The following RASGEF1A variants were observed in gnomAD, a reference collection of about 807,000 sequenced individuals.
RASGEF1A encodes ras-GEF domain-containing family member 1A.
RASGEF1A carries 18 observed loss-of-function variants against 56.4 expected under a neutral mutation model. That is an observed-to-expected ratio of 0.32 (90% CI 0.22 to 0.47). The LOEUF (loss-of-function observed/expected upper bound fraction) is 0.47. Among genes scored for constraint, RASGEF1A ranks in the 20% least tolerant of loss-of-function variants. The pLI, the probability that RASGEF1A is intolerant of heterozygous loss-of-function variation, is 1.00. For missense variants in RASGEF1A, 422 were observed against 627.1 expected, an observed-to-expected ratio of 0.67 and a Z score of 3.49; for synonymous variants, 245 against 242.6, an observed-to-expected ratio of 1.01 and a Z score of -0.09.
chr10:43,258,493 G>A (rs918015261), intron 1 of RASGEF1A, among the ~76,000 whole-genome samples: 8 of 152,200 alleles, frequency 5.3e-5, no homozygotes, highest in Non-Finnish European at 8.8e-5. Context: ...GCCACTCTGC[G>A]CTTGACACCA....
chr10:43,220,494 C>A (rs1490979312), intron 1 of RASGEF1A, among the ~76,000 whole-genome samples: 1 of 152,118 alleles, frequency 6.6e-6, no homozygotes, highest in Non-Finnish European at 1.5e-5. Context: ...CAGAGCAAGA[C>A]CCTATCTCAC....
At chr10:43,238,521 GCC>G (rs1385454372) in intron 1 of RASGEF1A, among the ~76,000 whole-genome samples, 1 of 152,222 alleles carries the variant, frequency 6.6e-6, no homozygotes. Context: ...CTTGTTCACT[GCC>G]CCAGCCCCAT....
At chr10:43,232,630 G>A (rs1191206360) in intron 1 of RASGEF1A, among the ~76,000 whole-genome samples, 2 of 151,870 alleles carry the variant, frequency 1.3e-5, no homozygotes, top group Admixed American at 1.3e-4. Context: ...GGGATTACAG[G>A]TGCACGCCAC....
intron 1 of RASGEF1A, among the ~76,000 whole-genome samples, chr10:43,261,314 G>C (rs922184168): frequency 3.9e-5 from 6 of 152,234 alleles, no homozygotes; most frequent in African/African-American, 1.4e-4. Context: ...GGTAAGCCCA[G>C]CTCCCAGAAA....
intron 1 of RASGEF1A, among the ~76,000 whole-genome samples, chr10:43,231,750 G>A (rs988172272): frequency 6.6e-6 from 1 of 152,276 alleles, no homozygotes; most frequent in African/African-American, 2.4e-5. Context: ...GAGGATGCGA[G>A]GAGGCTGCTA....
At chr10:43,229,683 G>A in intron 1 of RASGEF1A, 1 of 1,464,208 alleles carries the variant, frequency 6.8e-7, no homozygotes, top group Non-Finnish European at 9.0e-7. Flanking sequence ...GCGCCGTCCT[G>A]CCCGGTCCGG....
Position 43,207,011 on chromosome 10 carries a change from T to G in RASGEF1A, c.-6-889A>C. On this transcript the variant is annotated intron_variant, in intron 1 of 12. Transcript: ENST00000395810. ...ACCACACCCTGCAGCTGGGAGTTCTTGTGAAGCCTAGGGGAGTCTGAAGCC... is the reference window on the plus strand; with the variant it reads ...ACCACACCCTGCAGCTGGGAGTTCTGGTGAAGCCTAGGGGAGTCTGAAGCC... The G allele has an allele frequency of 3.0e-6, 3 of 985,490 alleles. No homozygotes were observed. In the South Asian group the frequency reaches 1.4e-4, roughly 46 times the overall value. 61.0% of individuals were successfully genotyped at this position (985,490 alleles called of 1,614,324 possible). A position where few individuals can be genotyped will look rare whatever the true frequency, so the allele number is the denominator to read the frequency against.
intron 9 of RASGEF1A, among the ~76,000 whole-genome samples, chr10:43,198,450 C>T (rs1259750844): frequency 2.0e-5 from 3 of 152,212 alleles, no homozygotes; most frequent in Non-Finnish European, 2.9e-5. Context: ...GCCTGACCCT[C>T]GCCCTCCTTC....
intron 1 of RASGEF1A, among the ~76,000 whole-genome samples, chr10:43,237,590 T>G (rs1840447624): frequency 6.6e-6 from 1 of 152,082 alleles, no homozygotes; most frequent in Non-Finnish European, 1.5e-5. Flanking sequence ...AGCAGCTGCA[T>G]CTGCTATTTT....
chr10:43,237,341 G>A (rs1225548859), intron 1 of RASGEF1A, among the ~76,000 whole-genome samples: 1 of 151,914 alleles, frequency 6.6e-6, no homozygotes, highest in Non-Finnish European at 1.5e-5. Flanking sequence ...CTGTTCTCCT[G>A]CTTCACCTGC....
intron 1 of RASGEF1A, among the ~76,000 whole-genome samples, chr10:43,238,232 T>A (rs1455568772): frequency 6.6e-6 from 1 of 151,992 alleles, no homozygotes; most frequent in Non-Finnish European, 1.5e-5. Context: ...GGCTAGTTTA[T>A]GTGTGCCTAC....
At chr10:43,199,816 G>C (rs1341987402) in intron 6 of RASGEF1A, 48 bp from the exon 7 acceptor site, 1 of 1,491,216 alleles carries the variant, frequency 6.7e-7, no homozygotes, top group East Asian at 2.3e-5. Flanking sequence ...ACCATGGCTG[G>C]ACAACTTAGT....
At chr10:43,248,364 TAAAAAAAAAAAA>T (rs34561814) in intron 1 of RASGEF1A, among the ~76,000 whole-genome samples, 3 of 111,420 alleles carry the variant, frequency 2.7e-5, no homozygotes, top group Non-Finnish European at 3.6e-5. Context: ...ACTCGGTCTT[TAAAAAAAAAAAA>T]AAAAAAAAAA....
intron 1 of RASGEF1A, among the ~76,000 whole-genome samples, chr10:43,236,924 C>A (rs904165309): frequency 6.6e-6 from 1 of 151,704 alleles, no homozygotes; most frequent in Admixed American, 6.6e-5. Context: ...GCCAGCCTGG[C>A]CTTGTGGGAG....
At chr10:43,229,864 G>A in intron 1 of RASGEF1A, 2 of 623,900 alleles carry the variant, frequency 3.2e-6, no homozygotes, top group Non-Finnish European at 4.7e-6. Context: ...CGCGAGGCCG[G>A]CCAGGAACGC....
intron 1 of RASGEF1A, among the ~76,000 whole-genome samples, chr10:43,225,813 A>C (rs961221206): frequency 6.6e-6 from 1 of 152,140 alleles, no homozygotes; most frequent in African/African-American, 2.4e-5. Flanking sequence ...GGCCCCAGGG[A>C]GGTCCCCAGA....
intron 1 of RASGEF1A, among the ~76,000 whole-genome samples, chr10:43,212,887 GCACACATGCA>G (rs1840087958): frequency 6.6e-6 from 1 of 152,202 alleles, no homozygotes; most frequent in Non-Finnish European, 1.5e-5. Context: ...TCACACAGGT[GCACACATGCA>G]CACACAGGTG....
chr10:43,200,011 G>A (rs1183702152), intron 6 of RASGEF1A, among the ~76,000 whole-genome samples, 171 bp downstream of exon 6: 3 of 152,256 alleles, frequency 2.0e-5, no homozygotes, highest in Non-Finnish European at 1.5e-5. Flanking sequence ...AGCAGGTGCT[G>A]CCTCTTGAAG....
Position 43,200,753 on chromosome 10 carries a change from T to G in RASGEF1A, c.595A>C (p.Thr199Pro), listed in dbSNP as rs1201883436. 6.2e-7 allele frequency: 1 copy of G among 1,613,852 alleles called. No individual in the cohort carries two copies. The highest frequency in any genetic ancestry group is 2.2e-5 in the East Asian group (1 of 44,870). ...TCCTTCTGGGCGGCTGGTGGCTTGGTCTTGAGGATGGGCCCCTTGTCTACA... is the reference window on the plus strand; with the variant it reads ...TCCTTCTGGGCGGCTGGTGGCTTGGGCTTGAGGATGGGCCCCTTGTCTACA... The part of the protein sequence containing the change: ...PAVDKGPILK[T>P]KPPAAQKDIL... The change falls in exon 5 of 13, where the codon ACC becomes CCC. Residue 199 changes from threonine to proline, a missense_variant. Thr to Pro is a conservative substitution (Grantham distance 38, BLOSUM62 -1). This residue lies in a region of RASGEF1A where 273 missense variants were observed against 339.9 expected (regional missense o/e 0.80). Transcript: ENST00000395810.
Sources: gnomAD v4.1 joint callset for allele counts (sites outside exome capture counted in the v4.1 genomes callset) on GRCh38, gnomAD v4.1.1 for gene constraint, gnomAD v4.1.1 regional missense constraint, MANE v1.5 for transcripts, NCBI Gene and HGNC (gene_info 2026-07-23, HGNC 2026-07-21) for gene names.